RASSF8: variants seen among roughly 807,000 people sequenced by gnomAD.
The protein encoded by RASSF8 is Ras association domain family member 8, also known as ras association domain-containing protein 8.
A neutral mutation model predicts 48.5 loss-of-function variants in RASSF8; 22 were observed. The observed-to-expected ratio is 0.45, with a 90% confidence interval of 0.32 to 0.65. The LOEUF (loss-of-function observed/expected upper bound fraction) is 0.65. Ranked by LOEUF, RASSF8 falls within the 30% of genes least tolerant of loss-of-function variation. The pLI is 0.03. For missense variants in RASSF8, 418 were observed against 489.2 expected (o/e 0.85, Z 1.37); for synonymous variants, 127 against 171.5 (o/e 0.74, Z 2.03).
rs560192266 is a variant in RASSF8 at position 26,041,590 on chromosome 12, T to TG, written c.-108-13639dup. 9.2e-5 allele frequency among the ~76,000 whole-genome samples: 14 copies of TG among 151,774 alleles called. No individual in the cohort carries two copies. In the East Asian group the frequency reaches 1.2e-3, roughly 13 times the overall value. ...TTAAGTGATACCTAAAGAAGCAGAG[T>TG]GGGGGGGTGTACACACCCATATATA... is the stretch of plus-strand genomic sequence containing the variant. On this transcript the variant is annotated intron_variant, in intron 2 of 5. Coordinates refer to ENST00000689635, the MANE Select transcript of RASSF8 (RefSeq NM_001394098.1).
chr12:26,032,838 G>T (rs976208585), intron 2 of RASSF8, among the ~76,000 whole-genome samples: 1 of 152,106 alleles, frequency 6.6e-6, no homozygotes, highest in Non-Finnish European at 1.5e-5. Context: ...TACACAATTG[G>T]CCCTGCTCCA....
intron 5 of RASSF8, 30 bp downstream of exon 5, chr12:26,067,743 C>T: frequency 6.2e-7 from 1 of 1,611,234 alleles, no homozygotes; most frequent in Non-Finnish European, 8.5e-7. Context: ...GGTTTATTTT[C>T]CCTTTATTCT....
chr12:26,077,576 T>C (rs1371457818), downstream of RASSF8, among the ~76,000 whole-genome samples: 4 of 152,156 alleles, frequency 2.6e-5, no homozygotes, highest in East Asian at 1.9e-4. Flanking sequence ...TGGTTGTAGA[T>C]GTGTGGTGTT....
intron 5 of RASSF8, among the ~76,000 whole-genome samples, chr12:26,078,354 T>A (rs1312383100): frequency 6.6e-6 from 1 of 152,156 alleles, no homozygotes; most frequent in East Asian, 1.9e-4. Flanking sequence ...GGAGTAAAGG[T>A]GAAGGAAGTG....
In RASSF8 at chr12:26,055,463, G is replaced by T; in HGVS notation, c.103+17G>T. ...AAGCAATAGGTGAGTGAACTCTGTG[G>T]GTATCTGAGAAAAGTACATTGTGCT... On this transcript the variant is annotated intron_variant, in intron 3 of 5. Transcript: ENST00000689635. 6.3e-7 allele frequency: 1 copy of T among 1,578,546 alleles called. No homozygotes were observed. The highest frequency in any genetic ancestry group is 8.7e-7 in the Non-Finnish European group (1 of 1,147,754).
chr12:26,067,496 G>A, intron 4 of RASSF8, 73 bp from the exon 5 acceptor site: 6 of 1,431,212 alleles, frequency 4.2e-6, no homozygotes, highest in Non-Finnish European at 5.7e-6. Context: ...GTAGCAGATG[G>A]ATCCTCACAA....
chr12:25,964,017 G>C (rs1941298558), intron 1 of RASSF8, among the ~76,000 whole-genome samples: 1 of 152,170 alleles, frequency 6.6e-6, no homozygotes. Context: ...AAAATGTTGA[G>C]AGCAAGCCCT....
At chr12:25,992,903 A>G (rs1942047537) in intron 1 of RASSF8, among the ~76,000 whole-genome samples, 1 of 152,202 alleles carries the variant, frequency 6.6e-6, no homozygotes, top group South Asian at 2.1e-4. Flanking sequence ...AAGAAGGTTG[A>G]ACTTTTTTGT....
At chr12:26,016,886 T>C (rs945329973) in intron 2 of RASSF8, among the ~76,000 whole-genome samples, 4 of 152,142 alleles carry the variant, frequency 2.6e-5, no homozygotes, top group African/African-American at 9.7e-5. Context: ...GTTGAGATCT[T>C]TTTCTTTTCA....
intron 1 of RASSF8, among the ~76,000 whole-genome samples, chr12:25,964,325 A>G (rs908595261): frequency 2.0e-5 from 3 of 151,572 alleles, no homozygotes; most frequent in African/African-American, 4.9e-5. Context: ...CAGATATATC[A>G]CAAAATATTG....
chr12:26,005,892 G>A (rs11834328), intron 2 of RASSF8, among the ~76,000 whole-genome samples: 5,885 of 152,278 alleles, frequency 0.039, 146 homozygotes, highest in African/African-American at 0.065. Context: ...CAGTTTCCCT[G>A]TGATCTTCCT....
upstream of RASSF8, chr12:25,958,492 G>C (rs986812881): frequency 1.3e-5 from 2 of 151,158 alleles, no homozygotes; most frequent in Admixed American, 1.3e-4. Flanking sequence ...GGTCTCTCCC[G>C]GCGCCGGCGA....
At chr12:26,003,096 A>T (rs1283744218) in intron 2 of RASSF8, among the ~76,000 whole-genome samples, 3 of 152,158 alleles carry the variant, frequency 2.0e-5, no homozygotes, top group Non-Finnish European at 1.5e-5. Flanking sequence ...TATATTGAAG[A>T]GGGTGTCCTT....
chr12:25,989,238 C>CT (rs1237498984), intron 1 of RASSF8, among the ~76,000 whole-genome samples: 3 of 152,178 alleles, frequency 2.0e-5, no homozygotes, highest in Non-Finnish European at 4.4e-5. Flanking sequence ...CCATACTGTT[C>CT]TTTTCTGGGG....
intron 2 of RASSF8, among the ~76,000 whole-genome samples, chr12:26,021,778 T>A (rs1942792927): frequency 6.6e-6 from 1 of 152,130 alleles, no homozygotes; most frequent in African/African-American, 2.4e-5. Flanking sequence ...GAGCAGTGGC[T>A]GAGAGATTTT....
downstream of RASSF8, among the ~76,000 whole-genome samples, chr12:26,074,313 T>G (rs1944051485): frequency 1.3e-5 from 2 of 151,834 alleles, no homozygotes; most frequent in Admixed American, 6.6e-5. Context: ...GTCCGGACAC[T>G]GGAGTGAGAT....
At position 26,042,916 on chromosome 12, in the gene RASSF8, T is replaced by C. The variant is rs555715147; in HGVS notation, c.-108-12320T>C. Among the ~76,000 whole-genome samples, 71 of 152,344 alleles carry C rather than the reference T, an allele frequency of 4.7e-4. 1 individual carries two copies. In the South Asian group the frequency reaches 0.014, roughly 31 times the overall value. ...ATACTGCAGGGCTTTTCTGCAGTACTGCTTAAAATACTCGAATGCCAATTT... is the reference window on the plus strand; with the variant it reads ...ATACTGCAGGGCTTTTCTGCAGTACCGCTTAAAATACTCGAATGCCAATTT... On this transcript the variant is annotated intron_variant, in intron 2 of 5. Transcript: ENST00000689635.
intron 1 of RASSF8, among the ~76,000 whole-genome samples, chr12:25,975,575 T>C (rs1941586267): frequency 6.6e-6 from 1 of 152,220 alleles, no homozygotes; most frequent in South Asian, 2.1e-4. Flanking sequence ...AAGATTTATG[T>C]GAATTAAGTT....
intron 2 of RASSF8, among the ~76,000 whole-genome samples, chr12:26,017,025 A>G (rs1942667612): frequency 6.6e-6 from 1 of 151,938 alleles, no homozygotes; most frequent in Non-Finnish European, 1.5e-5. Context: ...TTTTTTTCCT[A>G]TGTGTGAATA....
Sources: allele counts gnomAD v4.1 joint callset (sites outside exome capture counted in the v4.1 genomes callset), GRCh38; gene constraint gnomAD v4.1.1; transcripts MANE v1.5; gene names NCBI Gene and HGNC (gene_info 2026-07-23, HGNC 2026-07-21).